NUCB2: variants seen among roughly 807,000 people sequenced by gnomAD.
NUCB2 encodes the protein nucleobindin 2.
NUCB2 carries 48 observed loss-of-function variants against 57.9 expected under a neutral mutation model. The ratio of observed to expected loss-of-function variants is 0.83; its 90% CI spans 0.66 to 1.05. The LOEUF is 1.05. NUCB2 is among the 50% of genes least tolerant of loss of function. NUCB2 has a pLI of 0.00. For missense variants in NUCB2, 442 were observed against 476.2 expected (o/e 0.93, Z 0.67); for synonymous variants, 139 against 152.1 (o/e 0.91, Z 0.64).
At chr11:17,326,816 A>G (rs1475730914) in intron 11 of NUCB2, among the ~76,000 whole-genome samples, 5 of 152,094 alleles carry the variant, frequency 3.3e-5, no homozygotes, top group Non-Finnish European at 1.5e-5. Flanking sequence ...GTACCTTCAG[A>G]TGATTTCTTT....
intron 4 of NUCB2, among the ~76,000 whole-genome samples, chr11:17,300,241 C>T (rs542098530): frequency 2.0e-5 from 3 of 152,074 alleles, no homozygotes; most frequent in Admixed American, 6.6e-5. Flanking sequence ...AAAACTCCAG[C>T]GCTCAAACGA....
At chr11:17,285,120 G>A (rs1179401495) in intron 2 of NUCB2, among the ~76,000 whole-genome samples, 2 of 152,150 alleles carry the variant, frequency 1.3e-5, no homozygotes, top group Admixed American at 6.5e-5. Context: ...GAGGGTTGAG[G>A]AAGATGGAAA....
chr11:17,335,035 A>C (rs1951693690), downstream of NUCB2, among the ~76,000 whole-genome samples: 1 of 152,210 alleles, frequency 6.6e-6, no homozygotes, highest in Non-Finnish European at 1.5e-5. Flanking sequence ...CCCAAAATTA[A>C]ATATAGCAGT....
intron 11 of NUCB2, among the ~76,000 whole-genome samples, chr11:17,315,995 CAG>C (rs1174735687): frequency 6.6e-6 from 1 of 151,796 alleles, no homozygotes; most frequent in Non-Finnish European, 1.5e-5. Context: ...TTTTTTGAGA[CAG>C]AGTCTTGCTC....
At chr11:17,339,424 G>A (rs564055406) in intron 2 of NUCB2, among the ~76,000 whole-genome samples, 63 of 151,866 alleles carry the variant, frequency 4.1e-4, no homozygotes, top group African/African-American at 1.4e-3. Flanking sequence ...ATATGTATAC[G>A]TGTGCCATGT....
intron 2 of NUCB2, among the ~76,000 whole-genome samples, chr11:17,347,855 G>T (rs1952866560): frequency 6.6e-6 from 1 of 152,208 alleles, no homozygotes; most frequent in African/African-American, 2.4e-5. Flanking sequence ...CTTTCTCACA[G>T]TGTGGTCTGT....
At chr11:17,292,597 C>T (rs1461282461) in intron 2 of NUCB2, among the ~76,000 whole-genome samples, 3 of 152,004 alleles carry the variant, frequency 2.0e-5, no homozygotes. Flanking sequence ...TGCTGCTGGC[C>T]CAGGGACCAT....
intron 1 of NUCB2, among the ~76,000 whole-genome samples, chr11:17,281,800 A>G (rs901655440): frequency 2.0e-5 from 3 of 152,122 alleles, no homozygotes; most frequent in Non-Finnish European, 4.4e-5. Flanking sequence ...TGTTAAATAT[A>G]CCATATGTAA....
intron 4 of NUCB2, among the ~76,000 whole-genome samples, chr11:17,296,639 G>A (rs999863770): frequency 6.6e-6 from 1 of 152,088 alleles, no homozygotes; most frequent in East Asian, 1.9e-4. Context: ...GATGTAGTGA[G>A]AAAAGGAGAG....
intron 8 of NUCB2, 90 bp downstream of exon 8, chr11:17,311,373 A>G (rs1290748571): frequency 1.1e-6 from 1 of 930,326 alleles, no homozygotes; most frequent in African/African-American, 1.7e-5. Flanking sequence ...AAGGTCTGCT[A>G]TTGAGTTCTA....
intron 11 of NUCB2, among the ~76,000 whole-genome samples, chr11:17,320,074 CT>C (rs141700004): frequency 6.6e-6 from 1 of 151,906 alleles, no homozygotes; most frequent in African/African-American, 2.4e-5. Flanking sequence ...TGATCTCGTT[CT>C]TTTTTTATGG....
chr11:17,296,302 T>C, intron 4 of NUCB2, 91 bp downstream of exon 4: 1 of 619,354 alleles, frequency 1.6e-6, no homozygotes, highest in Non-Finnish European at 2.6e-6. Flanking sequence ...AGGTTGGCCT[T>C]GAGCTCCTGG....
rs1229608955 is a variant in NUCB2, at chr11:17,288,531, TTTCTTC to T, written c.-1+5606_-1+5611del. ...AAGCCTATTTATTTTATTTTATCTT[TTTCTTC>T]TTCTTCTTCTTCTTCTTTTTTTTTT... On this transcript the variant is annotated intron_variant, in intron 2 of 13. Coordinates refer to ENST00000529010, the MANE Select transcript of NUCB2 (RefSeq NM_005013.4). 4.4e-5 allele frequency among the ~76,000 whole-genome samples: 6 copies of T among 136,966 alleles called. 1 individual carries two copies. The highest frequency in any genetic ancestry group is 7.7e-5 in the Non-Finnish European group (5 of 65,150). 89.9% of individuals were successfully genotyped at this position (136,966 alleles called of 152,430 possible). A position where few individuals can be genotyped will look rare whatever the true frequency, so the allele number is the denominator to read the frequency against.
intron 11 of NUCB2, among the ~76,000 whole-genome samples, chr11:17,325,008 G>C (rs1950500324): frequency 6.6e-6 from 1 of 151,930 alleles, no homozygotes; most frequent in African/African-American, 2.4e-5. Context: ...TTACCATATT[G>C]GCCAGGCTGG....
At chr11:17,313,668 C>T (rs911859994) in intron 10 of NUCB2, among the ~76,000 whole-genome samples, 8 of 152,226 alleles carry the variant, frequency 5.3e-5, no homozygotes, top group South Asian at 2.1e-4. Flanking sequence ...TTTTCCTTTT[C>T]GCCTTAATCT....
At chr11:17,282,263 T>A (rs879362185) in intron 1 of NUCB2, among the ~76,000 whole-genome samples, 109 of 126,844 alleles carry the variant, frequency 8.6e-4, no homozygotes, top group Middle Eastern at 4.1e-3. Flanking sequence ...TATATATTTT[T>A]TTTTTTTTTT....
At chr11:17,285,090 A>G (rs1168955127) in intron 2 of NUCB2, among the ~76,000 whole-genome samples, 1 of 152,232 alleles carries the variant, frequency 6.6e-6, no homozygotes, top group African/African-American at 2.4e-5. Context: ...ATTAATTGAA[A>G]AGGAAGAGGG....
chr11:17,281,290 G>T lies in NUCB2; in HGVS notation c.-155-1499G>T, dbSNP rs1471035685. 3.3e-5 allele frequency among the ~76,000 whole-genome samples: 5 copies of T among 151,518 alleles called. No homozygotes were observed. The South Asian group carries it at 6.3e-4, about 19-fold the overall frequency. ...CACCACTACACCCAGCTAATTTTTTGATTTTTTTTTGTAGAGGTGGGGTTT... is the reference window on the plus strand; with the variant it reads ...CACCACTACACCCAGCTAATTTTTTTATTTTTTTTTGTAGAGGTGGGGTTT... On this transcript the variant is annotated intron_variant, in intron 1 of 13. Coordinates refer to ENST00000529010, the MANE Select transcript of NUCB2 (RefSeq NM_005013.4).
rs531017046 is a variant in NUCB2 at position 17,329,256 on chromosome 11, A to G, written c.1003-871A>G. Among the ~76,000 whole-genome samples, 164 of 152,122 alleles carry G rather than the reference A, an allele frequency of 1.1e-3. 1 individual carries two copies. Among genetic ancestry groups the G allele is most frequent in the Non-Finnish European group, 1.7e-3 (118 of 67,992 alleles). On this transcript the variant is annotated intron_variant, in intron 11 of 13. Coordinates refer to ENST00000529010, the MANE Select transcript of NUCB2 (RefSeq NM_005013.4). ...AAGCTGCACTGCCTGAGGTTGGGGG[A>G]GGGGTAGCACAAGCGTTCCCTTAGC...
Sources: allele counts gnomAD v4.1 joint callset (sites outside exome capture counted in the v4.1 genomes callset), GRCh38; gene constraint gnomAD v4.1.1; transcripts MANE v1.5; gene names NCBI Gene and HGNC (gene_info 2026-07-23, HGNC 2026-07-21).